The following FAM50A variants were observed in gnomAD, a reference collection of about 807,000 sequenced individuals.
FAM50A encodes protein FAM50A.
A neutral mutation model predicts 35.5 loss-of-function variants in FAM50A; 6 were observed. The observed-to-expected ratio is 0.17, with a 90% CI of 0.09 to 0.33. FAM50A has a LOEUF of 0.33. Among genes scored for constraint, FAM50A ranks in the 10% least tolerant of loss-of-function variants. FAM50A has a pLI of 1.00. For synonymous variants in FAM50A, 120 were observed against 110.9 expected, an observed-to-expected ratio of 1.08 and a Z score of -0.52; for missense variants, 145 against 295.5, an observed-to-expected ratio of 0.49 and a Z score of 3.73.
At chrX:154,449,369 G>A (rs2068795319) in intron 8 of FAM50A, 72 bp downstream of exon 8, 1 of 895,676 alleles carries the variant, frequency 1.1e-6, no homozygotes, top group Non-Finnish European at 1.6e-6. Context: ...CAGACACCCA[G>A]TGTGATGTGG....
At position 154,444,286 on chromosome X, in the gene FAM50A, G is replaced by A; in HGVS notation, c.51G>A (p.Leu17=). 1 of 1,121,837 alleles carries A rather than the reference G, an allele frequency of 8.9e-7. No individual in the cohort carries two copies. Among genetic ancestry groups the A allele is most frequent in the Non-Finnish European group, 1.2e-6 (1 of 849,882 alleles). The allele number at this position is 1,121,837 out of a possible 1,213,427, so 92.5% of individuals were successfully genotyped here. The change falls in exon 1 of 13, where the codon CTG becomes CTA. Residue 17 remains leucine (L), a synonymous_variant. Coordinates refer to ENST00000393600, the MANE Select transcript of FAM50A (RefSeq NM_004699.4). ...AASEAGRAMH[L]MKKREKQREQ... is the part of the protein sequence containing the mutation. ...GCGAGGCCGGCCGCGCCATGCACCT[G>A]ATGAAGAAGCGGGAGAAGCAGCGCG... is the stretch of plus-strand genomic sequence containing the variant.
At position 154,445,819 on chromosome X, in the gene FAM50A, G is replaced by C; in HGVS notation, c.204G>C (p.Val68=). 2 of 1,209,712 alleles carry C rather than the reference G, an allele frequency of 1.7e-6. No homozygotes were observed. The highest frequency in any genetic ancestry group is 1.8e-5 in the South Asian group (1 of 56,915). Residue 68 remains valine, a synonymous_variant, in exon 3 of 13, where the codon GTG becomes GTC. Transcript: ENST00000393600. ...AELKSSTVGL[V]TLNDMKAKQE... is the part of the protein sequence containing the mutation. ...TGCCTCCTTGCTTCAAAGGTCTCGTGACCCTGAATGACATGAAGGCCAAGC... is the reference window on the plus strand; with the variant it reads ...TGCCTCCTTGCTTCAAAGGTCTCGTCACCCTGAATGACATGAAGGCCAAGC...
chrX:154,444,912 G>C (rs1473302288), intron 1 of FAM50A: 2 of 112,546 alleles, frequency 1.8e-5, no homozygotes, highest in Non-Finnish European at 3.7e-5. Context: ...CTGCTTCCGT[G>C]AGTGGCCTGT....
At chrX:154,446,169 G>C (rs782181197) in intron 3 of FAM50A, 9 of 446,364 alleles carry the variant, frequency 2.0e-5, no homozygotes, top group Non-Finnish European at 3.5e-5. Context: ...AGCAGCCTGC[G>C]TTCTCCCCAT....
At chrX:154,448,781 G>T in intron 6 of FAM50A, 25 bp downstream of exon 6, 1 of 1,203,651 alleles carries the variant, frequency 8.3e-7, no homozygotes. Context: ...AGTCAGACGC[G>T]AGGGGCCTGG....
In FAM50A at chrX:154,446,437, A is replaced by C. The variant is rs781881046; in HGVS notation, c.319A>C (p.Lys107Gln). 1 of 1,209,306 alleles carries C rather than the reference A, an allele frequency of 8.3e-7. No homozygotes were observed. The highest frequency in any genetic ancestry group is 3.0e-5 in the East Asian group (1 of 33,724). The change falls in exon 4 of 13, where the codon AAG becomes CAG. Residue 107 changes from lysine (K) to glutamine (Q), a missense_variant. This residue lies in a region of FAM50A where 31 missense variants were observed against 75.2 expected (regional missense o/e 0.41). Coordinates refer to ENST00000393600, the MANE Select transcript of FAM50A (RefSeq NM_004699.4). Reference protein sequence around the residue: ...LQMKLEKLREKERKKEAKRKI... With the variant: ...LQMKLEKLREQERKKEAKRKI... ...TAGGAAGCTGGAGAAGCTTCGAGAG[A>C]AGGAGCGTAAGAAGGAAGCCAAGCG...
Position 154,450,223 on chromosome X carries a change from G to A in FAM50A, c.915G>A (p.Lys305=). 1.7e-6 allele frequency: 2 copies of A among 1,211,206 alleles called. No homozygotes were observed. The highest frequency in any genetic ancestry group is 2.2e-5 in the Admixed American group (1 of 46,086). ...TCCTCCCTTAGTCCCATGCAGGCAAGGTGGTGCTGAGGAGCTGGTACGAGA... is the reference window on the plus strand; with the variant it reads ...TCCTCCCTTAGTCCCATGCAGGCAAAGTGGTGCTGAGGAGCTGGTACGAGA... ...TVEKDESHAG[K]VVLRSWYEKN... Residue 305 remains lysine, a synonymous_variant, in exon 12 of 13, where the codon AAG becomes AAA. Transcript: ENST00000393600.
intron 9 of FAM50A, 73 bp from the exon 10 acceptor site, chrX:154,449,810 T>G (rs1463226604): frequency 4.2e-6 from 5 of 1,177,836 alleles, no homozygotes; most frequent in East Asian, 5.9e-5. Flanking sequence ...GGGGGCAGTG[T>G]GCGCAGGCGG....
At chrX:154,446,091 A>C (rs2068781545) in intron 3 of FAM50A, among the ~76,000 whole-genome samples, 180 bp downstream of exon 3, 1 of 111,957 alleles carries the variant, frequency 8.9e-6, no homozygotes, top group African/African-American at 3.3e-5. Context: ...ACGTCTTTTC[A>C]CCATGGCGGC....
rs782161338 is a variant in FAM50A at position 154,448,876 on chromosome X, G to A, written c.587-17G>A. The A allele has an allele frequency of 1.7e-6, 2 of 1,208,948 alleles. No individual in the cohort carries two copies. Among genetic ancestry groups the A allele is most frequent in the South Asian group, 3.5e-5 (2 of 56,897 alleles). On this transcript the variant is annotated splice_polypyrimidine_tract_variant and intron_variant, in intron 6 of 12. Transcript: ENST00000393600. ...TCTCAGTGGGGCTGGAGACCAAGAG[G>A]CAGCTCTGCCTTGTAGGTGAGGAGA...
intron 1 of FAM50A, 38 bp downstream of exon 1, chrX:154,444,384 A>G: frequency 1.3e-6 from 1 of 783,182 alleles, no homozygotes; most frequent in Non-Finnish European, 1.6e-6. Flanking sequence ...CGCGCTGCCC[A>G]GGTCCCCGGC....
intron 4 of FAM50A, among the ~76,000 whole-genome samples, chrX:154,447,294 G>T (rs1557199935): frequency 8.9e-6 from 1 of 111,967 alleles, no homozygotes; most frequent in Non-Finnish European, 1.9e-5. Flanking sequence ...GGCCCCTGGA[G>T]GGTGTGGTGG....
At position 154,450,327 on chromosome X, in the gene FAM50A, G is replaced by A. The variant is rs2068800198; in HGVS notation, c.1011+8G>A. The A allele has an allele frequency of 1.3e-5, 16 of 1,205,282 alleles. No individual in the cohort carries two copies. Among genetic ancestry groups the A allele is most frequent in the Non-Finnish European group, 1.8e-5 (16 of 889,463 alleles). ...AAGTGGGACAAGTACACGGTGAGGA[G>A]GGGCTGGCAGGGACCCCTCCAAGTT... is the stretch of plus-strand genomic sequence containing the variant. On this transcript the variant is annotated splice_region_variant and intron_variant, in intron 12 of 12. Coordinates refer to ENST00000393600, the MANE Select transcript of FAM50A (RefSeq NM_004699.4).
chrX:154,446,871 C>G (rs782302754), intron 4 of FAM50A, among the ~76,000 whole-genome samples: 1 of 112,518 alleles, frequency 8.9e-6, no homozygotes, highest in Non-Finnish European at 1.9e-5. Flanking sequence ...ATGTATACAG[C>G]CACAGAAATT....
intron 1 of FAM50A, chrX:154,445,376 G>A (rs2068778270): frequency 1.2e-5 from 5 of 418,467 alleles, no homozygotes; most frequent in Non-Finnish European, 2.1e-5. Flanking sequence ...AAAGGCCAAA[G>A]GTCAGTAGGG....
At chrX:154,445,932 C>T (rs2148231919) in intron 3 of FAM50A, 21 bp downstream of exon 3, 7 of 1,146,345 alleles carry the variant, frequency 6.1e-6, no homozygotes, top group Non-Finnish European at 8.3e-6. Context: ...TCGCCGCAGC[C>T]CTCAACATGG....
chrX:154,444,724 C>G (rs1426068247), intron 1 of FAM50A: 2 of 118,701 alleles, frequency 1.7e-5, no homozygotes, highest in Non-Finnish European at 3.5e-5. Context: ...CCCCTCGGCC[C>G]TCAGAGCCAG....
chrX:154,449,795 C>A, intron 9 of FAM50A, 60 bp downstream of exon 9: 1 of 1,181,179 alleles, frequency 8.5e-7, no homozygotes, highest in Non-Finnish European at 1.2e-6. Flanking sequence ...TTGGCTCAGG[C>A]TGGTGGGGGC....
Position 154,450,579 on chromosome X carries a change from A to G in FAM50A, c.*147A>G. On this transcript the variant is annotated 3_prime_UTR_variant, in exon 13 of 13. Coordinates refer to ENST00000393600, the MANE Select transcript of FAM50A (RefSeq NM_004699.4). ...GCTGCTCGTGTCCTGCCCCTGCCAC[A>G]TCAGTGACTGCTTTATTCTTTTCCA... is the stretch of plus-strand genomic sequence containing the variant. The G allele has an allele frequency of 1.9e-6, 1 of 518,948 alleles. No homozygotes were observed. The highest frequency in any genetic ancestry group is 3.0e-5 in the South Asian group (1 of 33,112). The allele number at this position is 518,948 out of a possible 1,213,427, so 42.8% of individuals were successfully genotyped here. A position where few individuals can be genotyped will look rare whatever the true frequency, so the allele number is the denominator to read the frequency against.
Sources: gnomAD v4.1 joint callset for allele counts (sites outside exome capture counted in the v4.1 genomes callset) on GRCh38, gnomAD v4.1.1 for gene constraint, gnomAD v4.1.1 regional missense constraint, MANE v1.5 for transcripts, NCBI Gene and HGNC (gene_info 2026-07-23, HGNC 2026-07-21) for gene names.